The following SLC38A5 variants were observed in gnomAD, a reference collection of about 807,000 sequenced individuals.
SLC38A5 encodes sodium-coupled neutral amino acid transporter 5.
A neutral mutation model predicts 34.6 loss-of-function variants in SLC38A5; 9 were observed. The ratio of observed to expected loss-of-function variants is 0.26; its 90% CI spans 0.16 to 0.45. SLC38A5 has a LOEUF of 0.45. Among genes scored for constraint, SLC38A5 ranks in the 20% least tolerant of loss-of-function variants. SLC38A5 has a pLI of 1.00. For missense variants in SLC38A5, 253 were observed against 394.7 expected, an observed-to-expected ratio of 0.64 and a Z score of 3.04; for synonymous variants, 157 against 155.6, an observed-to-expected ratio of 1.01 and a Z score of -0.07.
Position 48,466,277 on chromosome X carries a change from G to A in SLC38A5, c.365C>T (p.Ala122Val), listed in dbSNP as rs1245185378. Reference protein sequence around the residue: ...EQLGQRAFGPAGKVVVATVIC... With the variant: ...EQLGQRAFGPVGKVVVATVIC... Reference sequence around the variant, plus strand: ...GACTGTGGCCACCACTACCTTCCCCGCAGGCCCGAATGCCCTCTGTCCCAG... The same window carrying A: ...GACTGTGGCCACCACTACCTTCCCCACAGGCCCGAATGCCCTCTGTCCCAG... The change falls in exon 7 of 17, where the codon GCG becomes GTG. Residue 122 changes from alanine to valine, a missense_variant. Coordinates refer to ENST00000620913, the MANE Select transcript of SLC38A5 (RefSeq NM_033518.4). 5 of 1,203,857 alleles carry A rather than the reference G, an allele frequency of 4.2e-6. No homozygotes were observed. Among genetic ancestry groups the A allele is most frequent in the African/African-American group, 3.5e-5 (2 of 56,706 alleles).
In SLC38A5 at chrX:48,458,832, G is replaced by C. The variant is rs990944150; in HGVS notation, c.*101C>G. ...CCCCGCCTCTGACAACCACGTTCAT[G>C]GGAACCAGCCACCTCCACATGTTGG... On this transcript the variant is annotated 3_prime_UTR_variant, in exon 17 of 17. Transcript: ENST00000620913. 24 of 1,098,134 alleles carry C rather than the reference G, an allele frequency of 2.2e-5. No homozygotes were observed. The highest frequency in any genetic ancestry group is 2.6e-5 in the Non-Finnish European group (22 of 838,679). 90.5% of individuals were successfully genotyped at this position (1,098,134 alleles called of 1,213,427 possible). A position where few individuals can be genotyped will look rare whatever the true frequency, so the allele number is the denominator to read the frequency against.
rs1556964463 is a variant in SLC38A5, at chrX:48,469,372, C to G, written c.-39G>C. On this transcript the variant is annotated 5_prime_UTR_variant, in exon 2 of 17. Transcript: ENST00000620913. ...GCTCCTGAAGTGGCCGCAACTCAGACTCAGGTTCGGGCACCCTCTCGGCTG... is the reference window on the plus strand; with the variant it reads ...GCTCCTGAAGTGGCCGCAACTCAGAGTCAGGTTCGGGCACCCTCTCGGCTG... The G allele has an allele frequency of 9.0e-6, 1 of 111,403 alleles. No homozygotes were observed. Among genetic ancestry groups the G allele is most frequent in the African/African-American group, 3.3e-5 (1 of 30,599 alleles). The allele number at this position is 111,403 out of a possible 1,213,427, so 9.2% of individuals were successfully genotyped here. A position where few individuals can be genotyped will look rare whatever the true frequency, so the allele number is the denominator to read the frequency against.
intron 16 of SLC38A5, 62 bp from the exon 17 acceptor site, chrX:48,459,096 A>C: frequency 9.2e-7 from 1 of 1,084,960 alleles, no homozygotes; most frequent in Non-Finnish European, 1.2e-6. Context: ...CCTTCTGAGA[A>C]TGTTCCTCAA....
intron 15 of SLC38A5, 40 bp downstream of exon 15, chrX:48,459,692 A>C: frequency 8.3e-7 from 1 of 1,198,525 alleles, no homozygotes; most frequent in African/African-American, 1.7e-5. Context: ...GACAAGGCCC[A>C]TATTAGATGG....
intron 8 of SLC38A5, among the ~76,000 whole-genome samples, chrX:48,464,197 A>C (rs2061459960): frequency 8.9e-6 from 1 of 112,754 alleles, no homozygotes; most frequent in African/African-American, 3.2e-5. Context: ...GTTGGAACCA[A>C]GCTCTGAGAA....
rs1602019731 is a variant in SLC38A5, at chrX:48,459,567, A to C, written c.1286T>G (p.Val429Gly). The C allele has an allele frequency of 1.8e-6, 2 of 1,124,984 alleles. No individual in the cohort carries two copies. The highest frequency in any genetic ancestry group is 5.0e-4 in the Middle Eastern group (2 of 3,972). The allele number at this position is 1,124,984 out of a possible 1,213,427, so 92.7% of individuals were successfully genotyped here. A position where few individuals can be genotyped will look rare whatever the true frequency, so the allele number is the denominator to read the frequency against. The change falls in exon 16 of 17, where the codon GTG becomes GGG. Residue 429 changes from valine (V) to glycine (G), a missense_variant. Around this residue, in one of 3 missense-constraint regions of SLC38A5, gnomAD observed 176 missense variants for 273.0 expected, o/e 0.64. Coordinates refer to ENST00000620913, the MANE Select transcript of SLC38A5 (RefSeq NM_033518.4). The stretch of plus-strand genomic sequence containing the variant: ...CTTGGGCCAGGATAAGAAAGGCTCC[A>C]CCTCAGAGGGTACAATGCGGAGGTA... ...IFYLRIVPSE[V>G]EPFLSWPKIQ... is the part of the protein sequence containing the mutation.
At chrX:48,463,081 T>A in intron 8 of SLC38A5, 101 bp from the exon 9 acceptor site, 1 of 639,259 alleles carries the variant, frequency 1.6e-6, no homozygotes, top group Non-Finnish European at 2.4e-6. Flanking sequence ...CTGCCCTAAG[T>A]CAGGAGAGTT....
Position 48,460,733 on chromosome X carries a change from G to A in SLC38A5, c.984C>T (p.Tyr328=). The stretch of plus-strand genomic sequence containing the variant: ...AGAGGATGAGCGGGTCCTTCTGGCT[G>A]TACATGTGCAGCATCTCCGCCTTCA... ...SSVKAEMLHM[Y]SQKDPLILCV... is the part of the protein sequence containing the mutation. Residue 328 remains tyrosine, a synonymous_variant, in exon 14 of 17, where the codon TAC becomes TAT. Coordinates refer to ENST00000620913, the MANE Select transcript of SLC38A5 (RefSeq NM_033518.4). The A allele has an allele frequency of 8.3e-7, 1 of 1,212,020 alleles. No homozygotes were observed. Among genetic ancestry groups the A allele is most frequent in the Non-Finnish European group, 1.1e-6 (1 of 895,577 alleles).
chrX:48,466,405 G>C, intron 6 of SLC38A5, 83 bp from the exon 7 acceptor site: 1 of 999,373 alleles, frequency 1.0e-6, no homozygotes, highest in Non-Finnish European at 1.4e-6. Flanking sequence ...GAGCTGGGGA[G>C]TTGGGGCTTG....
chrX:48,468,885 C>T (rs782436429), intron 2 of SLC38A5: 224 of 750,765 alleles, frequency 3.0e-4, no homozygotes, highest in Admixed American at 3.6e-4. Flanking sequence ...CGTGGCCTAC[C>T]GAGTTTCCTG....
At chrX:48,459,679 G>A in intron 15 of SLC38A5, 40 bp from the exon 16 acceptor site, 4 of 1,186,371 alleles carry the variant, frequency 3.4e-6, no homozygotes, top group Non-Finnish European at 4.5e-6. Flanking sequence ...AACCTGACTT[G>A]GGGACAAGGC....
intron 9 of SLC38A5, 102 bp downstream of exon 9, chrX:48,462,796 C>T (rs1243092124): frequency 1.5e-6 from 1 of 647,132 alleles, no homozygotes; most frequent in Non-Finnish European, 2.4e-6. Context: ...AATAAGCTCT[C>T]TCCTAGTGTG....
intron 9 of SLC38A5, 55 bp downstream of exon 9, chrX:48,462,843 C>T: frequency 1.0e-6 from 1 of 975,907 alleles, no homozygotes; most frequent in Admixed American, 2.7e-5. Context: ...TTTTCTCAGT[C>T]TGGCTTCTTC....
chrX:48,467,483 C>CCGAAGAG (rs1556963770), intron 4 of SLC38A5: 4 of 427,947 alleles, frequency 9.3e-6, no homozygotes, highest in African/African-American at 5.1e-5. Flanking sequence ...AGTCACTGGG[C>CCGAAGAG]CGAAGAGCGG....
rs17281188 is a variant in SLC38A5 at position 48,459,000 on chromosome X, A to G, written c.1352T>C (p.Met451Thr). The G allele has an allele frequency of 0.077, 91,752 of 1,194,220 alleles. 2,564 individuals carry two copies. Among genetic ancestry groups the G allele is most frequent in the Admixed American group, 0.14 (6,303 of 43,914 alleles). The change falls in exon 17 of 17, where the codon ATG becomes ACG. Residue 451 changes from methionine to threonine, a missense_variant. By Grantham distance (81) the Met-to-Thr change is moderately conservative. This residue lies in a region of SLC38A5 where 176 missense variants were observed against 273.0 expected (regional missense o/e 0.64). Coordinates refer to ENST00000620913, the MANE Select transcript of SLC38A5 (RefSeq NM_033518.4). ...LCFGVLGVLF[M>T]AVSLGFMFAN... ...AAACATAAAGCCTAGACTGACGGCCATGAAGAGGACTCCCAGGACTCCAAA... is the reference window on the plus strand; with the variant it reads ...AAACATAAAGCCTAGACTGACGGCCGTGAAGAGGACTCCCAGGACTCCAAA...
intron 1 of SLC38A5, 125 bp from the exon 2 acceptor site, chrX:48,469,561 G>A (rs1209769692): frequency 8.9e-6 from 1 of 111,830 alleles, no homozygotes; most frequent in African/African-American, 3.3e-5. Context: ...TTTGTGTGTT[G>A]ATGGTGGGGG....
At chrX:48,462,870 C>T in intron 9 of SLC38A5, 28 bp downstream of exon 9, 1 of 1,159,287 alleles carries the variant, frequency 8.6e-7, no homozygotes, top group Non-Finnish European at 1.2e-6. Flanking sequence ...ATCCCACTAC[C>T]CAATGGCCAA....
chrX:48,466,124 G>A (rs1556963173), intron 7 of SLC38A5, 31 bp from the exon 8 acceptor site: 2 of 1,177,496 alleles, frequency 1.7e-6, no homozygotes, highest in Admixed American at 4.6e-5. Flanking sequence ...GTAAGCAGAA[G>A]GATTCTCTTC....
chrX:48,468,457 C>G (rs1426664396), intron 2 of SLC38A5: 4 of 738,199 alleles, frequency 5.4e-6, no homozygotes, highest in Non-Finnish European at 4.8e-6. Context: ...CCCTCACCCC[C>G]CTCCTTCCCG....
Sources: gnomAD v4.1 joint callset for allele counts (sites outside exome capture counted in the v4.1 genomes callset) on GRCh38, gnomAD v4.1.1 for gene constraint, gnomAD v4.1.1 regional missense constraint, MANE v1.5 for transcripts, NCBI Gene and HGNC (gene_info 2026-07-23, HGNC 2026-07-21) for gene names.